The following NBPF26 variants were observed in gnomAD, a reference collection of about 807,000 sequenced individuals.
NBPF26 encodes the protein NBPF member 26, also known as NBPF family member NBPF26.
In NBPF26, 79 loss-of-function variants were observed where a neutral mutation model predicts 119.6. The observed-to-expected ratio is 0.66, with a 90% CI of 0.55 to 0.80. The LOEUF (loss-of-function observed/expected upper bound fraction) is 0.80, where lower values mean the gene tolerates loss of function less well. Among genes scored for constraint, NBPF26 ranks in the 30% least tolerant of loss-of-function variants. The pLI, the probability that NBPF26 is intolerant of heterozygous loss-of-function variation, is 0.00. For missense variants in NBPF26, 800 were observed against 1,198.2 expected (o/e 0.67, Z 4.91); for synonymous variants, 299 against 457.7 (o/e 0.65, Z 4.43).
Position 120,805,306 on chromosome 1 carries a change from C to T in NBPF26, c.752-250C>T. On this transcript the variant is annotated intron_variant, in intron 4 of 29. Coordinates refer to ENST00000620612, the Ensembl canonical transcript of NBPF26. ...CTGTTATTGCAACTGCAGACGGTTACCTGGCACGCTGGCCACATTCTGCCT... is the reference window on the plus strand; with the variant it reads ...CTGTTATTGCAACTGCAGACGGTTATCTGGCACGCTGGCCACATTCTGCCT... The T allele has an allele frequency of 1.9e-6, 2 of 1,065,000 alleles. 1 individual carries two copies. The highest frequency in any genetic ancestry group is 2.6e-6 in the Non-Finnish European group (2 of 763,012). The allele number at this position is 1,065,000 out of a possible 1,614,324, so 66.0% of individuals were successfully genotyped here. A position where few individuals can be genotyped will look rare whatever the true frequency, so the allele number is the denominator to read the frequency against.
At chr1:120,812,647 G>A (rs1413369427) in intron 10 of NBPF26, among the ~76,000 whole-genome samples, 15 of 58,706 alleles carry the variant, frequency 2.6e-4, no homozygotes, top group African/African-American at 9.3e-4. Flanking sequence ...AGTAGGGGCC[G>A]TGCATGGTGG....
chr1:120,752,545 TA>T (rs2101381464), intron 1 of NBPF26, among the ~76,000 whole-genome samples: 3 of 17,908 alleles, frequency 1.7e-4, no homozygotes, highest in East Asian at 1.9e-3. Flanking sequence ...TATATATATA[TA>T]TATATATATT....
intron 5 of NBPF26, among the ~76,000 whole-genome samples, chr1:120,806,367 G>T (rs1402588216): frequency 1.8e-5 from 2 of 108,418 alleles, no homozygotes. Flanking sequence ...GGCTGAGGCG[G>T]GCAGAGCACG....
At chr1:120,758,991 G>A (rs1651105263) in intron 1 of NBPF26, among the ~76,000 whole-genome samples, 1 of 110,840 alleles carries the variant, frequency 9.0e-6, no homozygotes, top group African/African-American at 5.6e-5. Flanking sequence ...GCTTATTACT[G>A]TCCTAAATTA....
intron 2 of NBPF26, among the ~76,000 whole-genome samples, chr1:120,766,647 T>C (rs1369872728): frequency 5.1e-4 from 10 of 19,420 alleles, no homozygotes; most frequent in East Asian, 1.1e-3. Flanking sequence ...GAGACTGTGT[T>C]TCCAAAAAAA....
intron 3 of NBPF26, 33 bp downstream of exon 3, chr1:120,785,266 A>T: frequency 6.9e-7 from 1 of 1,439,020 alleles, no homozygotes; most frequent in South Asian, 1.2e-5. Context: ...GTGCTTCCCT[A>T]CCTTCAGCAG....
rs1273116011 is a variant in NBPF26, at chr1:120,751,601, C to T, written c.74-12027C>T. ...AGGCCAGGGCATCTGCTCGTTCGCT[C>T]GCTCGCTTGCTCTTTCTCTCTTCCC... On this transcript the variant is annotated intron_variant, in intron 1 of 29. Transcript: ENST00000620612. 5.3e-5 allele frequency among the ~76,000 whole-genome samples: 3 copies of T among 57,108 alleles called. 1 individual carries two copies. Among genetic ancestry groups the T allele is most frequent in the South Asian group, 4.2e-4 (1 of 2,354 alleles). The allele number at this position is 57,108 out of a possible 152,430, so 37.5% of individuals were successfully genotyped here.
intron 8 of NBPF26, 136 bp from the exon 9 acceptor site, chr1:120,810,211 C>A (rs1426366492): frequency 1.8e-6 from 2 of 1,082,966 alleles, no homozygotes; most frequent in Non-Finnish European, 2.6e-6. Context: ...TTGCCTGTTT[C>A]CTCTTTAAGG....
Position 120,802,258 on chromosome 1 carries a change from T to C in NBPF26, c.752-3298T>C, listed in dbSNP as rs1651591304. 1.6e-5 allele frequency among the ~76,000 whole-genome samples: 2 copies of C among 125,962 alleles called. 1 individual carries two copies. The highest frequency in any genetic ancestry group is 3.2e-5 in the Non-Finnish European group (2 of 61,660). The allele number at this position is 125,962 out of a possible 152,430, so 82.6% of individuals were successfully genotyped here. On this transcript the variant is annotated intron_variant, in intron 4 of 29. Coordinates refer to ENST00000620612, the Ensembl canonical transcript of NBPF26. Reference sequence around the variant, plus strand: ...TGAGCCCTCTGAATGAGAATCCCTGTAAGGAGGACGATGAACTTGAATTTG... The same window carrying C: ...TGAGCCCTCTGAATGAGAATCCCTGCAAGGAGGACGATGAACTTGAATTTG...
Position 120,806,334 on chromosome 1 carries a change from C to G in NBPF26, c.961+569C>G, listed in dbSNP as rs1416966131. On this transcript the variant is annotated intron_variant, in intron 5 of 29. Coordinates refer to ENST00000620612, the Ensembl canonical transcript of NBPF26. ...TAGGGGCCGTGCAACGTGGCTCACT[C>G]CTATAATCTCAGCACTTTGGGAGGC... 6.2e-5 allele frequency among the ~76,000 whole-genome samples: 7 copies of G among 113,122 alleles called. 2 individuals are homozygous for G. Among genetic ancestry groups the G allele is most frequent in the Non-Finnish European group, 1.2e-4 (7 of 57,166 alleles). 74.2% of individuals were successfully genotyped at this position (113,122 alleles called of 152,430 possible).
chr1:120,784,388 A>G (rs1337559889), intron 2 of NBPF26, among the ~76,000 whole-genome samples: 2 of 116,306 alleles, frequency 1.7e-5, no homozygotes, highest in East Asian at 4.3e-4. Context: ...TCCCAGTTAC[A>G]GCTCTCATCT....
exon 11 of NBPF26, chr1:120,813,917 A>G (rs1380297136): frequency 1.3e-6 from 2 of 1,510,732 alleles, no homozygotes; most frequent in Non-Finnish European, 9.0e-7. Flanking sequence ...AGATCTCATA[A>G]AATCTATGCT....
In NBPF26 at chr1:120,779,400, A is replaced by C. The variant is rs1325173114; in HGVS notation, c.156-5574A>C. On this transcript the variant is annotated intron_variant, in intron 2 of 29. Coordinates refer to ENST00000620612, the Ensembl canonical transcript of NBPF26. ...TTAGTTTATGGAGTTTAAAATGGAAAAATGCTCCCCAAACCTTTCTCTGTA... is the reference window on the plus strand; with the variant it reads ...TTAGTTTATGGAGTTTAAAATGGAACAATGCTCCCCAAACCTTTCTCTGTA... 4.7e-5 allele frequency among the ~76,000 whole-genome samples: 5 copies of C among 105,714 alleles called. 1 individual carries two copies. The highest frequency in any genetic ancestry group is 2.5e-4 in the African/African-American group (5 of 20,184). 69.4% of individuals were successfully genotyped at this position (105,714 alleles called of 152,430 possible).
chr1:120,840,357 A>T lies in NBPF26; in HGVS notation c.4111A>T (p.Ser1371Cys), dbSNP rs1553273410. 14 of 1,445,298 alleles carry T rather than the reference A, an allele frequency of 9.7e-6. 3 individuals carry two copies. The East Asian group carries it at 1.2e-4, about 12-fold the overall frequency. 89.5% of individuals were successfully genotyped at this position (1,445,298 alleles called of 1,614,324 possible). ...TTTTGTCTCCTTTTGCAGGCTCAAC[A>T]GCATGCTGATGGAAGTGGAAGAGCC... The change falls in exon 30 of 30, where the codon AGC becomes TGC. Residue 1371 changes from serine (S) to cysteine (C), a missense_variant. By Grantham distance (112) the Ser-to-Cys change is moderately radical. Transcript: ENST00000620612.
At chr1:120,810,379 C>T (rs1651831220) in exon 9 of NBPF26, 1 of 1,591,050 alleles carries the variant, frequency 6.3e-7, no homozygotes, top group Non-Finnish European at 8.5e-7. Flanking sequence ...AGCAAAGTCC[C>T]TGAGGACTCA....
At chr1:120,777,677 G>A (rs1157014994) in intron 2 of NBPF26, among the ~76,000 whole-genome samples, 1 of 67,130 alleles carries the variant, frequency 1.5e-5, no homozygotes, top group East Asian at 3.6e-4. Flanking sequence ...TTTGAGAGAA[G>A]GGGGGGTTGA....
chr1:120,808,480 T>G, intron 6 of NBPF26, 65 bp from the exon 7 acceptor site: 1 of 1,045,762 alleles, frequency 9.6e-7, no homozygotes, highest in Non-Finnish European at 1.4e-6. Context: ...AAGTCTCTGT[T>G]GCAATATTTG....
At chr1:120,810,212 C>G in intron 8 of NBPF26, 135 bp from the exon 9 acceptor site, 1 of 1,088,662 alleles carries the variant, frequency 9.2e-7, no homozygotes, top group South Asian at 1.4e-5. Context: ...TGCCTGTTTC[C>G]TCTTTAAGGG....
intron 1 of NBPF26, among the ~76,000 whole-genome samples, chr1:120,745,105 G>A (rs1302376435): frequency 5.0e-5 from 3 of 59,876 alleles, no homozygotes; most frequent in Non-Finnish European, 8.5e-5. Flanking sequence ...GGGTGACAGA[G>A]CAAGATCCTG....
Sources: allele counts gnomAD v4.1 joint callset (sites outside exome capture counted in the v4.1 genomes callset), GRCh38; gene constraint gnomAD v4.1.1; transcripts MANE v1.5; gene names NCBI Gene and HGNC (gene_info 2026-07-23, HGNC 2026-07-21).